BORCS8: variants seen among roughly 807,000 people sequenced by gnomAD.
BORCS8 encodes the protein BLOC-1 related complex subunit 8.
A neutral mutation model predicts 18.7 loss-of-function variants in BORCS8; 13 were observed. The observed-to-expected ratio is 0.70, with a 90% CI of 0.45 to 1.11. The LOEUF (loss-of-function observed/expected upper bound fraction) is 1.11. Ranked by LOEUF, BORCS8 falls within the 50% of genes least tolerant of loss-of-function variation. The pLI is 0.00. For missense variants in BORCS8, 165 were observed against 165.7 expected (o/e 1.00, Z 0.02); for synonymous variants, 68 against 64.8 (o/e 1.05, Z -0.24).
Position 19,180,709 on chromosome 19 carries a change from CCCCGAGTCT to C in BORCS8, c.*10_*18del, listed in dbSNP as rs1282013955. On this transcript the variant is annotated 3_prime_UTR_variant, in exon 5 of 6. Coordinates refer to ENST00000462790, the MANE Select transcript of BORCS8 (RefSeq NM_001145784.2). ...ACCTGGGTTGGCGGAGGCTGGGGGG[CCCCGAGTCT>C]CTTCCAGGATCAGGCTGAGGAGGGC... is the stretch of plus-strand genomic sequence containing the variant. The C allele has an allele frequency of 6.5e-7, 1 of 1,548,814 alleles. No individual in the cohort carries two copies. Among genetic ancestry groups the C allele is most frequent in the Admixed American group, 2.0e-5 (1 of 50,924 alleles).
At chr19:19,191,818 G>T (rs1374185784) in intron 1 of BORCS8, among the ~76,000 whole-genome samples, 1 of 152,086 alleles carries the variant, frequency 6.6e-6, no homozygotes, top group African/African-American at 2.4e-5. Flanking sequence ...CGATCCTCCC[G>T]CCTAGGCCTC....
chr19:19,180,671 A>G lies in BORCS8; in HGVS notation c.*42+15T>C. The G allele has an allele frequency of 1.3e-6, 2 of 1,512,646 alleles. No homozygotes were observed. Among genetic ancestry groups the G allele is most frequent in the Non-Finnish European group, 1.8e-6 (2 of 1,113,638 alleles). 93.7% of individuals were successfully genotyped at this position (1,512,646 alleles called of 1,614,324 possible). On this transcript the variant is annotated intron_variant, in intron 5 of 5. Coordinates refer to ENST00000462790, the MANE Select transcript of BORCS8 (RefSeq NM_001145784.2). ...AGAGCAGAGAGAGAGGCTCGTGGCT[A>G]CCCTCGGCACTGACCTGGGTTGGCG... is the stretch of plus-strand genomic sequence containing the variant.
At position 19,182,568 on chromosome 19, in the gene BORCS8, G is replaced by A. The variant is rs2060359410; in HGVS notation, c.326+5C>T. The A allele has an allele frequency of 3.2e-6, 5 of 1,549,850 alleles. No individual in the cohort carries two copies. The African/African-American group carries it at 5.5e-5, about 17-fold the overall frequency. On this transcript the variant is annotated splice_donor_5th_base_variant and intron_variant, in intron 4 of 5. Coordinates refer to ENST00000462790, the MANE Select transcript of BORCS8 (RefSeq NM_001145784.2). This position sits in a 1 kb window ranked among gnomAD's most constrained non-coding sequence, Gnocchi z 4.1. Reference sequence around the variant, plus strand: ...GCAGTGGGGGCGGGCGGTCCCAGGAGCTACCTGTGGCCCTGGGCACTGGCA... The same window carrying A: ...GCAGTGGGGGCGGGCGGTCCCAGGAACTACCTGTGGCCCTGGGCACTGGCA...
chr19:19,186,641 C>T (rs1245135470), intron 2 of BORCS8, among the ~76,000 whole-genome samples: 1 of 152,240 alleles, frequency 6.6e-6, no homozygotes, highest in Admixed American at 6.5e-5. Flanking sequence ...TTCTAAGTTT[C>T]CTGAGGCCTC....
At chr19:19,181,315 T>C (rs1568564335) in intron 4 of BORCS8, among the ~76,000 whole-genome samples, 1 of 150,802 alleles carries the variant, frequency 6.6e-6, no homozygotes, top group South Asian at 2.1e-4. Context: ...GCCCAGGGAA[T>C]GTATCATGAC....
At chr19:19,192,058 T>C in intron 1 of BORCS8, 23 bp downstream of exon 1, 1 of 1,550,584 alleles carries the variant, frequency 6.4e-7, no homozygotes, top group Non-Finnish European at 8.7e-7. Context: ...GCCCCCTCTG[T>C]CCCGCCCGCA....
chr19:19,190,605 G>A (rs1215889761), intron 1 of BORCS8, among the ~76,000 whole-genome samples: 1 of 152,174 alleles, frequency 6.6e-6, no homozygotes, highest in Non-Finnish European at 1.5e-5. Context: ...CCTGACCAAC[G>A]TGGAGAAACC....
chr19:19,187,529 T>C (rs1459896611), intron 1 of BORCS8, among the ~76,000 whole-genome samples: 2 of 150,268 alleles, frequency 1.3e-5, no homozygotes, highest in African/African-American at 4.9e-5. Context: ...GATGAGTTCA[T>C]AACGAGTAAA....
Position 19,192,109 on chromosome 19 carries a change from C to T in BORCS8, c.9G>A (p.Glu3=). 6.4e-7 allele frequency: 1 copy of T among 1,551,430 alleles called. No homozygotes were observed. Among genetic ancestry groups the T allele is most frequent in the Non-Finnish European group, 8.7e-7 (1 of 1,146,890 alleles). Residue 3 remains glutamate (E), a synonymous_variant, in exon 1 of 6, where the codon GAG becomes GAA. Transcript: ENST00000462790. The part of the protein sequence containing the change: ME[E]PEMQLKGKKV... ...TCTTCCCCTTGAGCTGCATCTCCGG[C>T]TCCTCCATAGCGACCGCGGCCGAGC...
chr19:19,183,792 A>T (rs530426171), intron 3 of BORCS8, among the ~76,000 whole-genome samples: 347 of 141,888 alleles, frequency 2.4e-3, no homozygotes, highest in Middle Eastern at 4.1e-3. Flanking sequence ...CTGGTCTCAA[A>T]CTCCTGACCT....
In BORCS8 at chr19:19,186,058, A is replaced by G. The variant is rs1173167196; in HGVS notation, c.191T>C (p.Ile64Thr). 13 of 1,551,162 alleles carry G rather than the reference A, an allele frequency of 8.4e-6. No homozygotes were observed. Among genetic ancestry groups the G allele is most frequent in the East Asian group, 2.4e-5 (1 of 40,930 alleles). ...CCTGCAGGCGTACTCCACAGTGTAG[A>G]TGGCTCCCTGGCTCTGCTCCTCCCA... ...QRWEEQSQGA[I>T]YTVEYACSAV... Residue 64 changes from isoleucine to threonine, a missense_variant, in exon 3 of 6, where the codon ATC becomes ACC. Ile to Thr is a moderately conservative substitution (Grantham distance 89). Coordinates refer to ENST00000462790, the MANE Select transcript of BORCS8 (RefSeq NM_001145784.2).
intron 2 of BORCS8, among the ~76,000 whole-genome samples, chr19:19,186,394 TC>T (rs778899467): frequency 6.6e-6 from 1 of 152,196 alleles, no homozygotes; most frequent in African/African-American, 2.4e-5. Flanking sequence ...TTTGACTGTG[TC>T]CCCACCCAAA....
chr19:19,186,246 G>C, intron 2 of BORCS8, 148 bp from the exon 3 acceptor site: 1 of 759,624 alleles, frequency 1.3e-6, no homozygotes, highest in East Asian at 2.7e-5. Context: ...CACAGGTCTG[G>C]GCTTTCTGTG....
At chr19:19,177,640 AGAAG>A (rs1212671462) in intron 5 of BORCS8, 180 bp from the exon 6 acceptor site, 3,558 of 102,958 alleles carry the variant, frequency 0.035, 119 homozygotes, top group Non-Finnish European at 0.039. Flanking sequence ...AAAGAAAGAA[AGAAG>A]GAAGGAAGGA....
At chr19:19,186,857 G>T in intron 2 of BORCS8, 36 bp downstream of exon 2, 2 of 1,441,352 alleles carry the variant, frequency 1.4e-6, no homozygotes, top group South Asian at 1.3e-5. Context: ...CTCCTGCCCT[G>T]ACAGCCCCTG....
chr19:19,178,791 C>G (rs1159825352), intron 5 of BORCS8: 1 of 152,040 alleles, frequency 6.6e-6, no homozygotes, highest in African/African-American at 2.4e-5. Flanking sequence ...GAAATTCCAT[C>G]TCTACTAAAA....
intron 2 of BORCS8, among the ~76,000 whole-genome samples, chr19:19,186,440 G>A (rs1293886406): frequency 6.6e-6 from 1 of 152,214 alleles, no homozygotes; most frequent in Admixed American, 6.5e-5. Context: ...TAATCCCCAT[G>A]TGTTGTGAGA....
intron 2 of BORCS8, 31 bp downstream of exon 2, chr19:19,186,862 C>T (rs1415319837): frequency 6.9e-7 from 1 of 1,454,648 alleles, no homozygotes; most frequent in Non-Finnish European, 9.3e-7. Context: ...GCCCTGACAG[C>T]CCCTGCTCCT....
intron 5 of BORCS8, chr19:19,179,332 C>T (rs1350402915): frequency 2.6e-5 from 4 of 152,684 alleles, no homozygotes; most frequent in Non-Finnish European, 4.4e-5. Flanking sequence ...TCCTCACCAC[C>T]CCACATCCAG....
Sources: allele counts gnomAD v4.1 joint callset (sites outside exome capture counted in the v4.1 genomes callset), GRCh38; gene constraint gnomAD v4.1.1; non-coding constraint Gnocchi (gnomAD v3.1); transcripts MANE v1.5; gene names NCBI Gene and HGNC (gene_info 2026-07-23, HGNC 2026-07-21).